The following VPS13B variants were observed in gnomAD, a reference collection of about 807,000 sequenced individuals.
VPS13B encodes vacuolar protein sorting 13 homolog B.
Under a neutral mutation model 426.4 loss-of-function variants are expected in VPS13B, and 285 were observed. The ratio of observed to expected loss-of-function variants is 0.67; its 90% CI spans 0.61 to 0.74. The LOEUF is 0.74. Ranked by LOEUF, VPS13B falls within the 30% of genes least tolerant of loss-of-function variation. VPS13B has a pLI of 0.00. For missense variants in VPS13B, 4,537 were observed against 4,782.6 expected (o/e 0.95, Z 1.51); for synonymous variants, 1,676 against 1,676.4 (o/e 1.00, Z 0.01).
At position 99,409,521 on chromosome 8, in the gene VPS13B, G is replaced by A. The variant is rs147594110; in HGVS notation, c.3082+17817G>A. On this transcript the variant is annotated intron_variant, in intron 21 of 61. Transcript: ENST00000357162. ...ATACATTCAGTAAATATGTACAATT[G>A]TATACTTAGTGGATTTTTTAAATAT... Among the ~76,000 whole-genome samples the A allele has an allele frequency of 1.2e-3, 189 of 152,148 alleles. 4 individuals carry two copies. In the East Asian group the frequency reaches 0.033, roughly 26 times the overall value.
chr8:99,396,597 C>T (rs1364804234), intron 21 of VPS13B, among the ~76,000 whole-genome samples: 1 of 151,958 alleles, frequency 6.6e-6, no homozygotes, highest in African/African-American at 2.4e-5. Context: ...TCTCTAATAC[C>T]TAATATATAG....
intron 19 of VPS13B, chr8:99,340,553 C>T (rs1377880377): frequency 1.5e-5 from 7 of 466,446 alleles, no homozygotes; most frequent in Non-Finnish European, 3.0e-5. Context: ...TGTCTGGTCA[C>T]CTGGGTGGTA....
intron 42 of VPS13B, among the ~76,000 whole-genome samples, chr8:99,783,787 C>T (rs905985534): frequency 1.3e-5 from 2 of 152,200 alleles, no homozygotes; most frequent in African/African-American, 4.8e-5. Flanking sequence ...GTTTTATTTA[C>T]ATCTCTCACT....
intron 47 of VPS13B, 97 bp downstream of exon 47, chr8:99,818,985 A>AG: frequency 2.2e-6 from 1 of 454,236 alleles, no homozygotes; most frequent in Non-Finnish European, 4.4e-6. Flanking sequence ...AGGGGTGGGT[A>AG]GGGAGATGGG....
At chr8:99,097,724 A>C (rs1478813437) in intron 4 of VPS13B, among the ~76,000 whole-genome samples, 1 of 152,174 alleles carries the variant, frequency 6.6e-6, no homozygotes, top group Non-Finnish European at 1.5e-5. Context: ...AAGAAAACTA[A>C]AGACAAAAAA....
chr8:99,859,055 G>A (rs914605236), intron 56 of VPS13B, among the ~76,000 whole-genome samples: 1 of 152,170 alleles, frequency 6.6e-6, no homozygotes, highest in Admixed American at 6.5e-5. Flanking sequence ...GGAGGCTTGG[G>A]CAAGGCAGTC....
chr8:99,447,722 A>G (rs1454905966), intron 23 of VPS13B, among the ~76,000 whole-genome samples: 1 of 152,164 alleles, frequency 6.6e-6, no homozygotes, highest in Non-Finnish European at 1.5e-5. Context: ...AAAACATTAT[A>G]TAAATTTTAT....
chr8:99,861,746 G>T, intron 57 of VPS13B, 30 bp from the exon 58 acceptor site: 1 of 1,577,264 alleles, frequency 6.3e-7, no homozygotes, highest in East Asian at 2.3e-5. Flanking sequence ...ATGCGACAAG[G>T]AGGCTAACCC....
At chr8:99,639,687 T>A (rs796781306) in intron 33 of VPS13B, among the ~76,000 whole-genome samples, 5 of 148,782 alleles carry the variant, frequency 3.4e-5, no homozygotes, top group Admixed American at 6.7e-5. Context: ...TGTTTTTTTT[T>A]ACCAATCAAA....
intron 17 of VPS13B, among the ~76,000 whole-genome samples, chr8:99,229,053 A>G (rs545961567): frequency 6.6e-6 from 1 of 152,294 alleles, no homozygotes; most frequent in African/African-American, 2.4e-5. Context: ...GATTTTTGAA[A>G]TGGAAACAGG....
At chr8:99,547,223 A>G (rs2133744391) in intron 30 of VPS13B, among the ~76,000 whole-genome samples, 1 of 152,140 alleles carries the variant, frequency 6.6e-6, no homozygotes, top group Middle Eastern at 3.4e-3. Context: ...ATTTTGAACA[A>G]ACTCCCTGGG....
At chr8:99,735,772 G>T (rs1008710214) in intron 39 of VPS13B, among the ~76,000 whole-genome samples, 4 of 152,186 alleles carry the variant, frequency 2.6e-5, no homozygotes, top group African/African-American at 9.7e-5. Flanking sequence ...GAAAGCCCAG[G>T]CATAGTGAAA....
intron 61 of VPS13B, among the ~76,000 whole-genome samples, chr8:99,873,778 G>GA (rs1817554488): frequency 6.6e-6 from 1 of 152,204 alleles, no homozygotes; most frequent in Non-Finnish European, 1.5e-5. Flanking sequence ...GTGGGCAGGG[G>GA]AGGGTGGCCA....
intron 19 of VPS13B, among the ~76,000 whole-genome samples, chr8:99,349,908 A>G (rs1811781167): frequency 6.6e-6 from 1 of 152,178 alleles, no homozygotes; most frequent in Non-Finnish European, 1.5e-5. Context: ...GCAAAAATAT[A>G]TAGAAATATC....
chr8:99,540,697 A>C (rs892809458), intron 30 of VPS13B, among the ~76,000 whole-genome samples: 10 of 152,180 alleles, frequency 6.6e-5, no homozygotes, highest in African/African-American at 2.4e-4. Flanking sequence ...TCAGTAAAAT[A>C]ATATTCTATA....
rs769467669 is a variant in VPS13B at position 99,136,711 on chromosome 8, A to G, written c.1610A>G (p.Tyr537Cys). 1.9e-6 allele frequency: 3 copies of G among 1,613,576 alleles called. No homozygotes were observed. In the African/African-American group the frequency reaches 4.0e-5, roughly 22 times the overall value. Residue 537 changes from tyrosine to cysteine, a missense_variant, in exon 12 of 62, where the codon TAT becomes TGT. Coordinates refer to ENST00000357162, the MANE Select transcript of VPS13B (RefSeq NM_152564.5). ...IAGMQRFGAF[Y>C]MDYLYTMENT... ...GGAATGCAACGGTTTGGGGCTTTTT[A>G]TATGGATTACCTGTATACAATGGAG...
chr8:99,320,345 T>C (rs1164031592), intron 19 of VPS13B, among the ~76,000 whole-genome samples: 1 of 152,180 alleles, frequency 6.6e-6, no homozygotes, highest in African/African-American at 2.4e-5. Flanking sequence ...TCCCTTCTCC[T>C]GGGAATCCTA....
intron 20 of VPS13B, among the ~76,000 whole-genome samples, chr8:99,389,009 C>A (rs1041584179): frequency 1.3e-5 from 2 of 152,050 alleles, no homozygotes; most frequent in Non-Finnish European, 2.9e-5. Flanking sequence ...GTTAGCTGGG[C>A]GCAGTGGCAG....
chr8:99,741,317 C>T (rs1436868667), intron 39 of VPS13B, among the ~76,000 whole-genome samples: 2 of 152,176 alleles, frequency 1.3e-5, no homozygotes, highest in Non-Finnish European at 2.9e-5. Flanking sequence ...CACCCAGATT[C>T]ATAAAGCAAG....
Sources: gnomAD v4.1 joint callset for allele counts (sites outside exome capture counted in the v4.1 genomes callset) on GRCh38, gnomAD v4.1.1 for gene constraint, MANE v1.5 for transcripts, NCBI Gene and HGNC (gene_info 2026-07-23, HGNC 2026-07-21) for gene names.